The following DLG2 variants were observed in gnomAD, a reference collection of about 807,000 sequenced individuals.
DLG2 encodes the protein discs large MAGUK scaffold protein 2, also known as disks large homolog 2.
Under a neutral mutation model 132.5 loss-of-function variants are expected in DLG2, and 45 were observed. The ratio of observed to expected loss-of-function variants is 0.34; its 90% CI spans 0.27 to 0.44. DLG2 has a LOEUF of 0.44. Among genes scored for constraint, DLG2 ranks in the 20% least tolerant of loss-of-function variants. The pLI is 1.00. For synonymous variants in DLG2, 424 were observed against 419.6 expected, an observed-to-expected ratio of 1.01 and a Z score of -0.13; for missense variants, 1,045 against 1,196.9, an observed-to-expected ratio of 0.87 and a Z score of 1.87.
At chr11:85,009,235 C>G (rs986629340) in intron 6 of DLG2, among the ~76,000 whole-genome samples, 7 of 151,862 alleles carry the variant, frequency 4.6e-5, no homozygotes, top group African/African-American at 1.7e-4. Context: ...ATAACCAGCC[C>G]AAAGGAATAA....
At chr11:84,535,954 C>CATATATATATATATATATATATAT (rs778920932) in intron 6 of DLG2, among the ~76,000 whole-genome samples, 160 of 144,428 alleles carry the variant, frequency 1.1e-3, no homozygotes, top group African/African-American at 3.5e-3. Flanking sequence ...TTTTCATATA[C>CATATATATATATATATATATATAT]ATATATATAT....
intron 22 of DLG2, among the ~76,000 whole-genome samples, chr11:83,481,531 C>A (rs1239260883): frequency 6.6e-6 from 1 of 152,026 alleles, no homozygotes; most frequent in Non-Finnish European, 1.5e-5. Flanking sequence ...ATCATACATT[C>A]TTGCCAATTG....
At chr11:83,481,832 GAA>G (rs146528602) in intron 22 of DLG2, among the ~76,000 whole-genome samples, 5,116 of 152,090 alleles carry the variant, frequency 0.034, 313 homozygotes, top group African/African-American at 0.12. Flanking sequence ...TTGTTGTTGC[GAA>G]GTTTTACTTT....
intron 9 of DLG2, among the ~76,000 whole-genome samples, chr11:84,134,186 G>T (rs1203834725): frequency 6.6e-6 from 1 of 152,024 alleles, no homozygotes; most frequent in Non-Finnish European, 1.5e-5. Context: ...ATGACATAGC[G>T]TGAAATGACC....
intron 6 of DLG2, among the ~76,000 whole-genome samples, chr11:84,722,188 A>G (rs1353096628): frequency 6.6e-6 from 1 of 152,220 alleles, no homozygotes. Context: ...TCACATTTAC[A>G]TGAATGTGGT....
intron 6 of DLG2, among the ~76,000 whole-genome samples, chr11:84,739,339 A>T (rs2064281552): frequency 6.6e-6 from 1 of 152,160 alleles, no homozygotes; most frequent in Non-Finnish European, 1.5e-5. Context: ...GTAACTCCCA[A>T]ATCAATTTTT....
At chr11:83,630,450 G>A (rs1175244334) in intron 19 of DLG2, among the ~76,000 whole-genome samples, 1 of 152,098 alleles carries the variant, frequency 6.6e-6, no homozygotes, top group African/African-American at 2.4e-5. Flanking sequence ...GAACAAAGAA[G>A]GTGCTTGCTT....
chr11:83,900,082 C>T (rs2072988797), intron 15 of DLG2, among the ~76,000 whole-genome samples: 1 of 152,128 alleles, frequency 6.6e-6, no homozygotes, highest in Admixed American at 6.5e-5. Flanking sequence ...GAAGCATTTT[C>T]CCCCTGCCCA....
intron 6 of DLG2, among the ~76,000 whole-genome samples, chr11:84,644,431 G>A (rs1375252213): frequency 6.6e-6 from 1 of 152,158 alleles, no homozygotes; most frequent in African/African-American, 2.4e-5. Context: ...TGGAGGCCGG[G>A]CGCGGTGGCT....
intron 3 of DLG2, among the ~76,000 whole-genome samples, chr11:85,342,894 C>T (rs1008399934): frequency 2.0e-5 from 3 of 152,130 alleles, no homozygotes; most frequent in South Asian, 2.1e-4. Flanking sequence ...TAATAACATA[C>T]ATGTATAATA....
At chr11:83,865,963 C>A (rs1399760264) in intron 16 of DLG2, among the ~76,000 whole-genome samples, 2 of 152,162 alleles carry the variant, frequency 1.3e-5, no homozygotes. Flanking sequence ...ATGACCTTTT[C>A]TTTGCCTAGT....
chr11:85,409,332 G>A (rs1597063063), intron 3 of DLG2, among the ~76,000 whole-genome samples: 2 of 151,842 alleles, frequency 1.3e-5, no homozygotes, highest in South Asian at 2.1e-4. Flanking sequence ...CTGTATCCAC[G>A]CTATCTGGGC....
At chr11:85,054,273 A>G (rs375145101) in intron 6 of DLG2, among the ~76,000 whole-genome samples, 286 of 152,130 alleles carry the variant, frequency 1.9e-3, no homozygotes, top group African/African-American at 6.6e-3. Flanking sequence ...AAAAAAAAAA[A>G]AAAGAAAGAA....
intron 11 of DLG2, among the ~76,000 whole-genome samples, chr11:84,005,723 T>C (rs1364433106): frequency 6.6e-6 from 1 of 151,512 alleles, no homozygotes; most frequent in Non-Finnish European, 1.5e-5. Context: ...ATAAAGATGC[T>C]CAAGATCATT....
chr11:85,311,325 A>T (rs2080300715), intron 3 of DLG2, among the ~76,000 whole-genome samples: 1 of 152,180 alleles, frequency 6.6e-6, no homozygotes, highest in Non-Finnish European at 1.5e-5. Flanking sequence ...GCCATTTATT[A>T]TCTCAGTTAA....
At chr11:84,006,418 C>T (rs1036905876) in intron 11 of DLG2, among the ~76,000 whole-genome samples, 6 of 151,486 alleles carry the variant, frequency 4.0e-5, no homozygotes, top group African/African-American at 1.5e-4. Context: ...TTGTACATTT[C>T]AAAGTAGCTA....
At chr11:84,998,026 T>C (rs920018828) in intron 6 of DLG2, among the ~76,000 whole-genome samples, 1 of 152,232 alleles carries the variant, frequency 6.6e-6, no homozygotes, top group Non-Finnish European at 1.5e-5. Context: ...GATAATTATT[T>C]TAAAATTGTT....
At chr11:84,028,709 C>T (rs933300621) in intron 11 of DLG2, among the ~76,000 whole-genome samples, 22 of 152,078 alleles carry the variant, frequency 1.4e-4, no homozygotes, top group African/African-American at 5.3e-4. Context: ...GGCTGGAGTG[C>T]CCTTCTCCAA....
At chr11:85,478,489 T>C (rs2093205995) in intron 3 of DLG2, among the ~76,000 whole-genome samples, 1 of 152,230 alleles carries the variant, frequency 6.6e-6, no homozygotes, top group Non-Finnish European at 1.5e-5. Flanking sequence ...TCATTCTTGA[T>C]TACTAAATTT....
Sources: gnomAD v4.1 joint callset for allele counts (sites outside exome capture counted in the v4.1 genomes callset) on GRCh38, gnomAD v4.1.1 for gene constraint, MANE v1.5 for transcripts, NCBI Gene and HGNC (gene_info 2026-07-23, HGNC 2026-07-21) for gene names.